MCC: variants seen among roughly 807,000 people sequenced by gnomAD.
MCC encodes the protein colorectal mutant cancer protein.
Under a neutral mutation model 116.2 loss-of-function variants are expected in MCC, and 90 were observed. That is an observed-to-expected ratio of 0.77 (90% CI 0.65 to 0.92). The LOEUF (loss-of-function observed/expected upper bound fraction) is 0.92, where lower values mean the gene tolerates loss of function less well. MCC is among the 40% of genes least tolerant of loss of function. The probability of loss-of-function intolerance (pLI) is 0.00; values close to 1 mark genes in which losing one functional copy is unlikely to be tolerated. For synonymous variants in MCC, 578 were observed against 510.5 expected, an observed-to-expected ratio of 1.13 and a Z score of -1.78; for missense variants, 1,516 against 1,312.2, an observed-to-expected ratio of 1.16 and a Z score of -2.40.
At chr5:113,447,395 G>A (rs573266423) in intron 1 of MCC, among the ~76,000 whole-genome samples, 64 of 152,182 alleles carry the variant, frequency 4.2e-4, no homozygotes, top group African/African-American at 1.5e-3. Context: ...TGCTTGTTAT[G>A]TACAATTTGA....
chr5:113,044,116 C>T (rs552735146), intron 16 of MCC, among the ~76,000 whole-genome samples: 1 of 152,176 alleles, frequency 6.6e-6, no homozygotes, highest in Non-Finnish European at 1.5e-5. Context: ...TGTAATCATA[C>T]AAGACAAGTG....
chr5:113,184,706 G>C (rs548271468), intron 3 of MCC, among the ~76,000 whole-genome samples: 4 of 152,194 alleles, frequency 2.6e-5, no homozygotes, highest in South Asian at 4.2e-4. Flanking sequence ...CAAAAGAAGA[G>C]ATGGACAGGT....
At chr5:113,120,285 T>C (rs1038944630) in intron 6 of MCC, among the ~76,000 whole-genome samples, 3 of 152,176 alleles carry the variant, frequency 2.0e-5, no homozygotes, top group Admixed American at 6.5e-5. Flanking sequence ...CATGGTCTGG[T>C]TGCAGGGAGT....
chr5:113,195,641 G>A (rs374116694), intron 3 of MCC, among the ~76,000 whole-genome samples: 5 of 152,100 alleles, frequency 3.3e-5, no homozygotes, highest in East Asian at 1.9e-4. Context: ...GAAATGGGCT[G>A]GAAGAAAAAG....
chr5:113,262,133 C>T (rs1765240392), intron 3 of MCC, among the ~76,000 whole-genome samples: 1 of 151,852 alleles, frequency 6.6e-6, no homozygotes. Flanking sequence ...AACAAAGGGC[C>T]TATTCTCCCA....
At chr5:113,054,061 G>A in intron 14 of MCC, 102 bp from the exon 15 acceptor site, 1 of 800,634 alleles carries the variant, frequency 1.2e-6, no homozygotes, top group Non-Finnish European at 2.0e-6. Flanking sequence ...TCTCCCCAGT[G>A]TTATTTAGAT....
At chr5:113,416,924 TG>T in intron 1 of MCC, among the ~76,000 whole-genome samples, 1 of 152,072 alleles carries the variant, frequency 6.6e-6, no homozygotes, top group East Asian at 1.9e-4. Flanking sequence ...ATTTACGTAT[TG>T]GATTTACATA....
At chr5:113,263,444 G>A (rs1022580359) in intron 3 of MCC, among the ~76,000 whole-genome samples, 1 of 152,154 alleles carries the variant, frequency 6.6e-6, no homozygotes, top group African/African-American at 2.4e-5. Context: ...TGATTCACTT[G>A]GACAGCTGAA....
chr5:113,412,820 T>C (rs1174905924), intron 1 of MCC, among the ~76,000 whole-genome samples: 3 of 152,006 alleles, frequency 2.0e-5, no homozygotes, highest in East Asian at 3.9e-4. Context: ...TGAATAGGAG[T>C]GGTGAGAGAG....
chr5:113,063,401 T>A (rs1391787486), intron 14 of MCC, among the ~76,000 whole-genome samples: 1 of 152,246 alleles, frequency 6.6e-6, no homozygotes, highest in East Asian at 1.9e-4. Flanking sequence ...ATTTCCTAGA[T>A]TCACAGACAG....
Position 113,270,400 on chromosome 5 carries a change from G to T in MCC, c.627+70119C>A, listed in dbSNP as rs565333684. Among the ~76,000 whole-genome samples, 5 of 151,068 alleles carry T rather than the reference G, an allele frequency of 3.3e-5. No individual in the cohort carries two copies. The East Asian group carries it at 7.8e-4, about 24-fold the overall frequency. On this transcript the variant is annotated intron_variant, in intron 3 of 18. Coordinates refer to ENST00000408903, the MANE Select transcript of MCC (RefSeq NM_001085377.2). ...GGCTGGACTAAGCCTTTCACTGATA[G>T]AATTCCAAAGTTTACTGGGGCACAC...
intron 2 of MCC, among the ~76,000 whole-genome samples, chr5:113,352,599 A>G (rs1284028058): frequency 6.6e-6 from 1 of 152,174 alleles, no homozygotes; most frequent in Non-Finnish European, 1.5e-5. Flanking sequence ...GTGGAAGGGT[A>G]GAAAGTTCTA....
In MCC at chr5:113,071,313, G is replaced by A. The variant is rs1395433883; in HGVS notation, c.1785-79C>T. On this transcript the variant is annotated intron_variant, in intron 11 of 18. Transcript: ENST00000408903. ...ATTTCAGTTGTCTCATTTATATTCA[G>A]GGCAGAAAAGCATGTGAGGATGTGG... is the stretch of plus-strand genomic sequence containing the variant. 4.1e-5 allele frequency: 61 copies of A among 1,482,156 alleles called. 1 individual carries two copies. The South Asian group carries it at 6.5e-4, about 16-fold the overall frequency. 91.8% of individuals were successfully genotyped at this position (1,482,156 alleles called of 1,614,324 possible). A position where few individuals can be genotyped will look rare whatever the true frequency, so the allele number is the denominator to read the frequency against.
intron 11 of MCC, among the ~76,000 whole-genome samples, chr5:113,076,269 G>C (rs1273836414): frequency 6.6e-6 from 1 of 152,260 alleles, no homozygotes; most frequent in Non-Finnish European, 1.5e-5. Context: ...CCCCAACCTA[G>C]CAAGGCAGAC....
At chr5:113,210,510 C>T (rs1763093126) in intron 3 of MCC, among the ~76,000 whole-genome samples, 1 of 152,070 alleles carries the variant, frequency 6.6e-6, no homozygotes, top group South Asian at 2.1e-4. Context: ...AGACTCAGTG[C>T]AATTGGGATT....
At chr5:113,397,396 T>A (rs1461605389) in intron 1 of MCC, among the ~76,000 whole-genome samples, 1 of 152,018 alleles carries the variant, frequency 6.6e-6, no homozygotes, top group African/African-American at 2.4e-5. Flanking sequence ...TTGGTCTAAT[T>A]CTCATATCTG....
intron 3 of MCC, among the ~76,000 whole-genome samples, chr5:113,331,498 T>C (rs1374678343): frequency 6.6e-6 from 1 of 151,802 alleles, no homozygotes; most frequent in Non-Finnish European, 1.5e-5. Context: ...TAGGTGGATA[T>C]TTTGATCTGG....
chr5:113,316,022 C>G (rs544003265), intron 3 of MCC, among the ~76,000 whole-genome samples: 1 of 152,222 alleles, frequency 6.6e-6, no homozygotes, highest in East Asian at 1.9e-4. Context: ...CTTTGGGAGG[C>G]TGAGGTGGGC....
At chr5:113,398,131 G>A (rs1769581635) in intron 1 of MCC, among the ~76,000 whole-genome samples, 1 of 152,210 alleles carries the variant, frequency 6.6e-6, no homozygotes, top group Non-Finnish European at 1.5e-5. Context: ...AAACCACAGT[G>A]AGGTACCATC....
Sources: allele counts gnomAD v4.1 joint callset (sites outside exome capture counted in the v4.1 genomes callset), GRCh38; gene constraint gnomAD v4.1.1; transcripts MANE v1.5; gene names NCBI Gene and HGNC (gene_info 2026-07-23, HGNC 2026-07-21).